Variants in PGPEP1L observed in about 807,000 individuals in gnomAD.
PGPEP1L encodes the protein pyroglutamyl-peptidase I like.
In PGPEP1L, 7 loss-of-function variants were observed where a neutral mutation model predicts 6.0. The ratio of observed to expected loss-of-function variants is 1.17; its 90% CI spans 0.66 to 2.19. The LOEUF is 2.19. PGPEP1L is among the 30% of genes most tolerant of loss of function. PGPEP1L has a pLI of 0.00. For synonymous variants in PGPEP1L, 103 were observed against 83.9 expected (o/e 1.23, Z -1.24); for missense variants, 209 against 192.5 (o/e 1.09, Z -0.51).
At chr15:98,987,505 G>A (rs2017764451) in intron 2 of PGPEP1L, among the ~76,000 whole-genome samples, 1 of 152,176 alleles carries the variant, frequency 6.6e-6, no homozygotes, top group Admixed American at 6.5e-5. Context: ...TGTGGTGGGT[G>A]CAGTATCCAG....
rs368304967 is a variant in PGPEP1L, at chr15:98,985,443, C to T, written c.-141-14285G>A. 1.4e-4 allele frequency among the ~76,000 whole-genome samples: 21 copies of T among 152,282 alleles called. 1 individual carries two copies. The East Asian group carries it at 2.1e-3, about 15-fold the overall frequency. ...ATCCCAGCTACTCAGGAGGCTGAGG[C>T]AAGAGAATTACTTGAACCCGGGAAG... is the stretch of plus-strand genomic sequence containing the variant. On this transcript the variant is annotated intron_variant, in intron 2 of 4. Coordinates refer to ENST00000535714, the MANE Select transcript of PGPEP1L (RefSeq NM_001167902.2).
chr15:98,993,470 G>T (rs1022640097), intron 2 of PGPEP1L, among the ~76,000 whole-genome samples: 17 of 152,324 alleles, frequency 1.1e-4, no homozygotes, highest in Middle Eastern at 3.4e-3. Flanking sequence ...AGGATTTGGA[G>T]AAATAGGAAT....
intron 2 of PGPEP1L, among the ~76,000 whole-genome samples, chr15:98,988,312 C>T (rs1246537929): frequency 6.6e-6 from 1 of 152,082 alleles, no homozygotes; most frequent in African/African-American, 2.4e-5. Context: ...GGGGGAGGGG[C>T]GTCCACCATT....
At chr15:98,998,183 G>A (rs1325083940) in intron 2 of PGPEP1L, 1 of 152,662 alleles carries the variant, frequency 6.6e-6, no homozygotes, top group South Asian at 2.1e-4. Context: ...AACATGCCCA[G>A]GTTTGCTCAA....
intron 2 of PGPEP1L, among the ~76,000 whole-genome samples, chr15:98,975,836 A>G (rs2017561348): frequency 6.6e-6 from 1 of 152,146 alleles, no homozygotes; most frequent in Non-Finnish European, 1.5e-5. Flanking sequence ...AGACAAGATC[A>G]CGCTACTGCA....
chr15:98,978,396 C>T (rs2017600227), intron 2 of PGPEP1L, among the ~76,000 whole-genome samples: 1 of 152,186 alleles, frequency 6.6e-6, no homozygotes, highest in Non-Finnish European at 1.5e-5. Context: ...GCATCTCAAA[C>T]TGGCTCACAG....
At position 98,989,775 on chromosome 15, in the gene PGPEP1L, C is replaced by T. The variant is rs28785173; in HGVS notation, c.-142+15654G>A. Among the ~76,000 whole-genome samples the T allele has an allele frequency of 3.2e-3, 489 of 152,246 alleles. 3 individuals carry two copies. The highest frequency in any genetic ancestry group is 0.011 in the African/African-American group (463 of 41,542). ...AAAGGGAACCCTATCAGACTAATAG[C>T]GAATCTCTCAGCAGAACCCCTACAA... On this transcript the variant is annotated intron_variant, in intron 2 of 4. Coordinates refer to ENST00000535714, the MANE Select transcript of PGPEP1L (RefSeq NM_001167902.2).
intron 2 of PGPEP1L, among the ~76,000 whole-genome samples, chr15:98,983,265 G>A (rs1230081014): frequency 3.9e-5 from 6 of 151,900 alleles, no homozygotes; most frequent in Non-Finnish European, 7.4e-5. Flanking sequence ...CTAAAGCACC[G>A]TTCAGCTTAG....
intron 2 of PGPEP1L, among the ~76,000 whole-genome samples, chr15:98,998,733 T>C (rs1415759178): frequency 2.0e-5 from 3 of 152,096 alleles, no homozygotes; most frequent in East Asian, 3.9e-4. Context: ...ATCCCAGCAA[T>C]TTGGGAGGCC....
intron 2 of PGPEP1L, among the ~76,000 whole-genome samples, chr15:98,984,987 G>A (rs1312947451): frequency 2.0e-5 from 3 of 147,110 alleles, no homozygotes; most frequent in South Asian, 2.2e-4. Context: ...TGCTCCTTGC[G>A]GGTCCATCTG....
intron 2 of PGPEP1L, among the ~76,000 whole-genome samples, chr15:98,971,360 AG>A (rs549140308): frequency 7.2e-5 from 11 of 152,146 alleles, no homozygotes; most frequent in Non-Finnish European, 1.5e-4. Context: ...TGCACACAGC[AG>A]CACCTGTCTG....
chr15:98,992,406 C>A (rs563234684), intron 2 of PGPEP1L, among the ~76,000 whole-genome samples: 2 of 152,262 alleles, frequency 1.3e-5, no homozygotes, highest in East Asian at 3.9e-4. Flanking sequence ...TGTGAAGGAC[C>A]TCTTCAAGGA....
intron 2 of PGPEP1L, among the ~76,000 whole-genome samples, chr15:98,997,328 G>A (rs2017901456): frequency 6.6e-6 from 1 of 152,206 alleles, no homozygotes; most frequent in Non-Finnish European, 1.5e-5. Flanking sequence ...CTAGAAAACC[G>A]ATGCTGCAGC....
chr15:98,991,949 T>C (rs532062586), intron 2 of PGPEP1L, among the ~76,000 whole-genome samples: 74 of 152,302 alleles, frequency 4.9e-4, no homozygotes, highest in African/African-American at 1.7e-3. Context: ...ACGGAATGTA[T>C]CTCAAAATAT....
At position 99,000,576 on chromosome 15, in the gene PGPEP1L, G is replaced by A. The variant is rs1219576201; in HGVS notation, c.-142+4853C>T. Among the ~76,000 whole-genome samples the A allele has an allele frequency of 2.0e-5, 3 of 152,322 alleles. No individual in the cohort carries two copies. In the Middle Eastern group the frequency reaches 0.01, roughly 518 times the overall value. ...TTGTAAACACACCAATCAGCACCCT[G>A]TGTCTAGCTCAGGGTTTGTGAATGC... On this transcript the variant is annotated intron_variant, in intron 2 of 4. Transcript: ENST00000535714.
chr15:98,991,135 C>T (rs184686544), intron 2 of PGPEP1L, among the ~76,000 whole-genome samples: 49 of 151,590 alleles, frequency 3.2e-4, no homozygotes, highest in Admixed American at 2.0e-3. Flanking sequence ...GAGATAGAGG[C>T]ATGAAAAACC....
At position 98,980,658 on chromosome 15, in the gene PGPEP1L, G is replaced by A. The variant is rs985488837; in HGVS notation, c.-141-9500C>T. On this transcript the variant is annotated intron_variant, in intron 2 of 4. Transcript: ENST00000535714. ...AAAAGTAACTGTATGGTGGCCAGGT[G>A]CAGTGGCTCACGCCTGTAATCCCAG... 4.6e-5 allele frequency among the ~76,000 whole-genome samples: 7 copies of A among 152,306 alleles called. No individual in the cohort carries two copies. The East Asian group carries it at 9.7e-4, about 21-fold the overall frequency.
At chr15:99,005,247 T>G (rs2151768279) in intron 2 of PGPEP1L, among the ~76,000 whole-genome samples, 182 bp downstream of exon 2, 1 of 152,184 alleles carries the variant, frequency 6.6e-6, no homozygotes, top group African/African-American at 2.4e-5. Context: ...CCTGTGATCC[T>G]GATTGTTTAT....
chr15:98,976,112 TG>T (rs1230143274), intron 2 of PGPEP1L, among the ~76,000 whole-genome samples: 1 of 152,160 alleles, frequency 6.6e-6, no homozygotes, highest in Non-Finnish European at 1.5e-5. Context: ...AGTGTTAGTG[TG>T]GGACAATGGA....
Sources: allele counts gnomAD v4.1 joint callset (sites outside exome capture counted in the v4.1 genomes callset), GRCh38; gene constraint gnomAD v4.1.1; transcripts MANE v1.5; gene names NCBI Gene and HGNC (gene_info 2026-07-23, HGNC 2026-07-21).